ZNF536: variants seen among roughly 807,000 people sequenced by gnomAD.
ZNF536 encodes zinc finger protein 536.
ZNF536 carries 13 observed loss-of-function variants against 84.5 expected under a neutral mutation model. The ratio of observed to expected loss-of-function variants is 0.15; its 90% CI spans 0.10 to 0.24. The LOEUF (loss-of-function observed/expected upper bound fraction) is 0.24. Ranked by LOEUF, ZNF536 falls within the 10% of genes least tolerant of loss-of-function variation. The pLI is 1.00. For synonymous variants in ZNF536, 811 were observed against 742.5 expected (o/e 1.09, Z -1.50); for missense variants, 1,536 against 1,747.5 (o/e 0.88, Z 2.16).
intron 1 of ZNF536, among the ~76,000 whole-genome samples, chr19:30,265,896 T>C (rs1224480407): frequency 6.6e-6 from 1 of 152,142 alleles, no homozygotes; most frequent in Admixed American, 6.5e-5. Flanking sequence ...TTCTTTTTTT[T>C]TTCTTTTTTT....
At chr19:30,610,033 G>C in intron 1 of ZNF536, among the ~76,000 whole-genome samples, 1 of 150,872 alleles carries the variant, frequency 6.6e-6, no homozygotes, top group Admixed American at 6.6e-5. Flanking sequence ...CATGCATTCA[G>C]CCATCCATCC....
Position 30,590,007 on chromosome 19 carries a change from A to G in ZNF536, c.169+40493A>G, listed in dbSNP as rs1336943583. 3.9e-5 allele frequency among the ~76,000 whole-genome samples: 6 copies of G among 152,208 alleles called. No individual in the cohort carries two copies. In the East Asian group the frequency reaches 1.2e-3, roughly 29 times the overall value. On this transcript the variant is annotated intron_variant, in intron 1 of 1. Transcript: ENST00000592773. ...AGATAGTAAAATGTTGATTATATTTAGAACCAGCCCACTGGGCTCCATCCA... is the reference window on the plus strand; with the variant it reads ...AGATAGTAAAATGTTGATTATATTTGGAACCAGCCCACTGGGCTCCATCCA...
At chr19:30,588,388 C>T (rs1289883689) in intron 1 of ZNF536, among the ~76,000 whole-genome samples, 1 of 152,104 alleles carries the variant, frequency 6.6e-6, no homozygotes, top group East Asian at 1.9e-4. Context: ...CAAGGTCCTA[C>T]CTGTTTGGCC....
rs777852118 is a variant in ZNF536 at position 30,548,065 on chromosome 19, C to T, written c.2446C>T (p.Pro816Ser). ...CGGGGCTGGGCCGCTGTCTGGGCAA[C>T]CCCCAAATCAAGACCACAAGGATGA... ...QNGAGPLSGQPPNQDHKDEMS... is the reference protein window; with the variant it reads ...QNGAGPLSGQSPNQDHKDEMS... The change falls in exon 4 of 5, where the codon CCC becomes TCC. Residue 816 changes from proline (P) to serine (S), a missense_variant. Around this residue, in one of 8 missense-constraint regions of ZNF536, gnomAD observed 148 missense variants for 205.4 expected, o/e 0.72. Coordinates refer to ENST00000355537, the MANE Select transcript of ZNF536 (RefSeq NM_014717.3). 1.2e-6 allele frequency: 2 copies of T among 1,613,992 alleles called. No individual in the cohort carries two copies. Among genetic ancestry groups the T allele is most frequent in the African/African-American group, 1.3e-5 (1 of 74,920 alleles).
intron 1 of ZNF536, among the ~76,000 whole-genome samples, chr19:30,382,551 A>G (rs1173406990): frequency 6.7e-6 from 1 of 148,218 alleles, no homozygotes; most frequent in Non-Finnish European, 1.5e-5. Flanking sequence ...CTTTTGGTGG[A>G]TGGGATGTGG....
At chr19:30,660,571 C>T (rs935726995) in intron 1 of ZNF536, among the ~76,000 whole-genome samples, 7 of 152,132 alleles carry the variant, frequency 4.6e-5, no homozygotes, top group Non-Finnish European at 2.9e-5. Flanking sequence ...TATCTATCAC[C>T]GTTATATTTC....
chr19:30,313,254 C>A (rs760040085), intron 2 of ZNF536, among the ~76,000 whole-genome samples: 23 of 152,298 alleles, frequency 1.5e-4, no homozygotes, highest in Admixed American at 3.9e-4. Context: ...CCTGTCCAGG[C>A]GCCTTGTACA....
intron 2 of ZNF536, among the ~76,000 whole-genome samples, chr19:30,529,085 G>A (rs1163304269): frequency 5.9e-5 from 9 of 152,040 alleles, no homozygotes; most frequent in African/African-American, 1.9e-4. Context: ...TTAGGGACCC[G>A]GGAGGAAAAG....
chr19:30,620,304 G>A (rs2147132190), intron 1 of ZNF536, among the ~76,000 whole-genome samples: 1 of 152,076 alleles, frequency 6.6e-6, no homozygotes, highest in South Asian at 2.1e-4. Flanking sequence ...GGGTCTTCAT[G>A]TGAAACATCA....
chr19:30,236,139 A>G (rs2023481174), intron 1 of ZNF536, among the ~76,000 whole-genome samples: 1 of 152,254 alleles, frequency 6.6e-6, no homozygotes, highest in Non-Finnish European at 1.5e-5. Context: ...TGCCGGCATG[A>G]AAGGATTTAA....
intron 2 of ZNF536, among the ~76,000 whole-genome samples, chr19:30,299,772 A>G (rs2046119302): frequency 6.6e-6 from 1 of 152,228 alleles, no homozygotes; most frequent in South Asian, 2.1e-4. Flanking sequence ...CTCGGTTAAG[A>G]GTTAGGATAA....
At chr19:30,443,495 A>C in intron 1 of ZNF536, 66 bp from the exon 2 acceptor site, 1 of 1,494,228 alleles carries the variant, frequency 6.7e-7, no homozygotes, top group Non-Finnish European at 8.9e-7. Context: ...CCTGCCCGCC[A>C]ATGCTGTTGA....
At chr19:30,282,287 G>T (rs756398947) in intron 1 of ZNF536, among the ~76,000 whole-genome samples, 1 of 152,236 alleles carries the variant, frequency 6.6e-6, no homozygotes, top group Non-Finnish European at 1.5e-5. Flanking sequence ...AGACACCCTT[G>T]CATAAGCCCA....
At chr19:30,471,909 T>A (rs936977841) in intron 2 of ZNF536, among the ~76,000 whole-genome samples, 3 of 146,096 alleles carry the variant, frequency 2.1e-5, no homozygotes, top group Admixed American at 2.0e-4. Context: ...CAAAGCAGCA[T>A]TTTTTTTTTC....
chr19:30,692,125 T>C (rs1461654589), intron 1 of ZNF536, among the ~76,000 whole-genome samples: 3 of 152,218 alleles, frequency 2.0e-5, no homozygotes, highest in Non-Finnish European at 2.9e-5. Flanking sequence ...TTCCTACGGA[T>C]TTTTCTTTTT....
rs1275887201 is a variant in ZNF536, at chr19:30,479,560, C to T, written c.2170+33828C>T. ...TTGTTTAATTGCATCACTCATTTTCCCCTTGGCCTGGTGGGTCAGGGTGCT... is the reference window on the plus strand; with the variant it reads ...TTGTTTAATTGCATCACTCATTTTCTCCTTGGCCTGGTGGGTCAGGGTGCT... On this transcript the variant is annotated intron_variant, in intron 2 of 4. Coordinates refer to ENST00000355537, the MANE Select transcript of ZNF536 (RefSeq NM_014717.3). 1.6e-4 allele frequency among the ~76,000 whole-genome samples: 25 copies of T among 152,226 alleles called. 1 individual carries two copies. Among genetic ancestry groups the T allele is most frequent in the Non-Finnish European group, 2.9e-5 (2 of 68,038 alleles).
chr19:30,666,784 C>A (rs904463792), intron 1 of ZNF536, among the ~76,000 whole-genome samples: 5 of 149,262 alleles, frequency 3.3e-5, no homozygotes, highest in Admixed American at 1.3e-4. Context: ...TATATATATT[C>A]AAAAATATAT....
intron 2 of ZNF536, among the ~76,000 whole-genome samples, chr19:30,349,987 G>A (rs936223613): frequency 6.6e-6 from 1 of 151,958 alleles, no homozygotes. Context: ...TGTGTGAGAT[G>A]CTCCGAAAGT....
intron 2 of ZNF536, among the ~76,000 whole-genome samples, chr19:30,341,884 G>T (rs932820943): frequency 9.2e-5 from 14 of 152,196 alleles, no homozygotes; most frequent in Non-Finnish European, 1.9e-4. Flanking sequence ...TAGTCTGAAA[G>T]ATAGTACATG....
Sources: allele counts gnomAD v4.1 joint callset (sites outside exome capture counted in the v4.1 genomes callset), GRCh38; gene constraint gnomAD v4.1.1; regional missense constraint gnomAD v4.1.1; transcripts MANE v1.5; gene names NCBI Gene and HGNC (gene_info 2026-07-23, HGNC 2026-07-21).